TRPM3: variants seen among roughly 807,000 people sequenced by gnomAD.
TRPM3 encodes long transient receptor potential channel 3.
In TRPM3, 77 loss-of-function variants were observed where a neutral mutation model predicts 181.2. The ratio of observed to expected loss-of-function variants is 0.42; its 90% CI spans 0.35 to 0.51. The LOEUF (loss-of-function observed/expected upper bound fraction) is 0.51. Ranked by LOEUF, TRPM3 falls within the 20% of genes least tolerant of loss-of-function variation. The probability of loss-of-function intolerance (pLI) is 0.01; values close to 1 mark genes in which losing one functional copy is unlikely to be tolerated. For synonymous variants in TRPM3, 745 were observed against 796.4 expected (o/e 0.94, Z 1.09); for missense variants, 1,759 against 2,196.7 (o/e 0.80, Z 3.98).
At chr9:71,365,264 G>T (rs1056022423) in intron 1 of TRPM3, among the ~76,000 whole-genome samples, 7 of 152,134 alleles carry the variant, frequency 4.6e-5, no homozygotes, top group Admixed American at 4.6e-4. Context: ...ATAATAGCAT[G>T]TTTTTGGTGA....
intron 1 of TRPM3, among the ~76,000 whole-genome samples, chr9:71,353,287 G>T (rs759794114): frequency 6.6e-6 from 1 of 152,072 alleles, no homozygotes; most frequent in Non-Finnish European, 1.5e-5. Flanking sequence ...CACTAAAAAC[G>T]CTGTGGAGGC....
chr9:70,937,271 C>A (rs1589908559), intron 1 of TRPM3, among the ~76,000 whole-genome samples: 1 of 152,156 alleles, frequency 6.6e-6, no homozygotes, highest in East Asian at 1.9e-4. Flanking sequence ...CCATTCTATT[C>A]TCTAGTTTCC....
chr9:71,403,151 C>A (rs2093372533), intron 1 of TRPM3, among the ~76,000 whole-genome samples: 1 of 152,174 alleles, frequency 6.6e-6, no homozygotes, highest in Non-Finnish European at 1.5e-5. Context: ...ACTATGCCTG[C>A]AGGCCAAATC....
intron 1 of TRPM3, among the ~76,000 whole-genome samples, chr9:70,885,351 T>G (rs1476270396): frequency 6.6e-6 from 1 of 152,166 alleles, no homozygotes; most frequent in Non-Finnish European, 1.5e-5. Context: ...CAACCAAAAT[T>G]GTCTCTAATC....
intron 1 of TRPM3, among the ~76,000 whole-genome samples, chr9:71,341,866 C>T (rs1016484652): frequency 3.3e-5 from 5 of 151,416 alleles, no homozygotes; most frequent in Admixed American, 1.3e-4. Flanking sequence ...TAAAAAAATG[C>T]CATAAAGTCA....
At chr9:70,662,334 C>A (rs1433078381) in intron 9 of TRPM3, among the ~76,000 whole-genome samples, 1 of 152,030 alleles carries the variant, frequency 6.6e-6, no homozygotes, top group Non-Finnish European at 1.5e-5. Flanking sequence ...AAGATAACAT[C>A]AAAAATACTC....
intron 1 of TRPM3, among the ~76,000 whole-genome samples, chr9:71,436,725 A>C (rs1267174744): frequency 6.6e-6 from 1 of 152,164 alleles, no homozygotes; most frequent in Non-Finnish European, 1.5e-5. Flanking sequence ...GCAAGCAAAT[A>C]GATTTTCATC....
intron 17 of TRPM3, among the ~76,000 whole-genome samples, chr9:70,616,511 A>T (rs1316085340): frequency 1.6e-5 from 2 of 125,896 alleles, no homozygotes; most frequent in African/African-American, 5.9e-5. Flanking sequence ...GTCCACTGGC[A>T]TTTTTTTTTT....
At chr9:71,185,359 AT>A (rs1451860161) in intron 1 of TRPM3, among the ~76,000 whole-genome samples, 1 of 152,154 alleles carries the variant, frequency 6.6e-6, no homozygotes, top group African/African-American at 2.4e-5. Flanking sequence ...AAGGAAAGAC[AT>A]TCGCTTGTAG....
intron 1 of TRPM3, among the ~76,000 whole-genome samples, chr9:70,868,111 G>A (rs2095693047): frequency 2.6e-5 from 4 of 151,966 alleles, no homozygotes; most frequent in South Asian, 2.1e-4. Context: ...TCTCATGCAC[G>A]CTTAGAAAAG....
intron 1 of TRPM3, among the ~76,000 whole-genome samples, chr9:71,412,602 G>C (rs906237844): frequency 1.3e-4 from 20 of 152,064 alleles, no homozygotes; most frequent in Middle Eastern, 3.4e-3. Context: ...GAAACAACAG[G>C]TGCTGGAGAG....
intron 1 of TRPM3, among the ~76,000 whole-genome samples, chr9:71,113,605 T>A (rs1354926629): frequency 1.3e-5 from 2 of 152,168 alleles, no homozygotes; most frequent in Non-Finnish European, 2.9e-5. Flanking sequence ...GAATACTACC[T>A]ATCGACTACA....
chr9:71,401,197 C>CGA lies in TRPM3; in HGVS notation c.183+45455_183+45456insTC, dbSNP rs755833833. Among the ~76,000 whole-genome samples the CGA allele has an allele frequency of 2.8e-5, 3 of 105,766 alleles. 1 individual carries two copies. The highest frequency in any genetic ancestry group is 5.4e-5 in the Non-Finnish European group (3 of 55,410). 69.4% of individuals were successfully genotyped at this position (105,766 alleles called of 152,430 possible). The stretch of plus-strand genomic sequence containing the variant: ...TAAGGGTCAAAGTGAGACACCATCG[C>CGA]AAAAAAAAAAAAAAAAAAAGAATCT... On this transcript the variant is annotated intron_variant, in intron 1 of 24. Coordinates refer to the TRPM3 transcript ENST00000357533.
At chr9:70,971,913 G>T (rs1372998915) in intron 1 of TRPM3, among the ~76,000 whole-genome samples, 2 of 152,150 alleles carry the variant, frequency 1.3e-5, no homozygotes, top group African/African-American at 4.8e-5. Context: ...CAACCAGGAT[G>T]ACTGTAATGA....
intron 8 of TRPM3, among the ~76,000 whole-genome samples, chr9:70,683,505 T>A (rs1207954290): frequency 7.2e-6 from 1 of 139,384 alleles, no homozygotes; most frequent in Non-Finnish European, 1.5e-5. Flanking sequence ...CCTGAACTCC[T>A]GGTCTTGGCC....
chr9:70,878,826 GCCC>G (rs1409684405), intron 1 of TRPM3, among the ~76,000 whole-genome samples: 1 of 151,946 alleles, frequency 6.6e-6, no homozygotes, highest in African/African-American at 2.4e-5. Context: ...TGATTCATAG[GCCC>G]CCAACGGAAG....
intron 1 of TRPM3, among the ~76,000 whole-genome samples, chr9:71,236,681 A>G (rs1435216991): frequency 6.6e-6 from 1 of 152,218 alleles, no homozygotes; most frequent in African/African-American, 2.4e-5. Context: ...TTCAATAAAT[A>G]CATCTGCTAA....
chr9:71,254,983 G>A (rs1030842583), intron 1 of TRPM3, among the ~76,000 whole-genome samples: 4 of 152,138 alleles, frequency 2.6e-5, no homozygotes, highest in African/African-American at 9.7e-5. Flanking sequence ...TTCTAGCAAA[G>A]CCACATCCAG....
chr9:71,410,399 G>A (rs543505533), intron 1 of TRPM3, among the ~76,000 whole-genome samples: 1 of 152,056 alleles, frequency 6.6e-6, no homozygotes, highest in South Asian at 2.1e-4. Flanking sequence ...GAATCAAATA[G>A]ACACAATAAA....
Sources: gnomAD v4.1 joint callset for allele counts (sites outside exome capture counted in the v4.1 genomes callset) on GRCh38, gnomAD v4.1.1 for gene constraint, MANE v1.5 for transcripts, NCBI Gene and HGNC (gene_info 2026-07-23, HGNC 2026-07-21) for gene names.